Variants in DLGAP2 observed in about 807,000 individuals in gnomAD.
DLGAP2 encodes disks large-associated protein 2.
In DLGAP2, 26 loss-of-function variants were observed where a neutral mutation model predicts 100.3. The observed-to-expected ratio is 0.26, with a 90% confidence interval of 0.19 to 0.36. DLGAP2 has a LOEUF of 0.36. DLGAP2 is among the 10% of genes least tolerant of loss of function. The pLI, the probability that DLGAP2 is intolerant of heterozygous loss-of-function variation, is 1.00. For missense variants in DLGAP2, 1,858 were observed against 1,453.2 expected (o/e 1.28, Z -4.53); for synonymous variants, 886 against 630.1 (o/e 1.41, Z -6.08).
At chr8:1,273,448 G>A (rs1204982929) in intron 3 of DLGAP2, among the ~76,000 whole-genome samples, 1 of 152,142 alleles carries the variant, frequency 6.6e-6, no homozygotes, top group African/African-American at 2.4e-5. Context: ...GTGCCTTTAT[G>A]CCCCACCTTA....
chr8:1,056,573 A>C (rs1802889252), intron 2 of DLGAP2, among the ~76,000 whole-genome samples: 2 of 152,242 alleles, frequency 1.3e-5, no homozygotes, highest in South Asian at 4.1e-4. Flanking sequence ...ATGACTTCCA[A>C]AATGTGTGTA....
intron 3 of DLGAP2, among the ~76,000 whole-genome samples, chr8:1,272,740 G>A (rs1464269950): frequency 6.6e-6 from 1 of 152,082 alleles, no homozygotes; most frequent in Non-Finnish European, 1.5e-5. Flanking sequence ...GGGTCTGTAG[G>A]ACTCGGACCA....
intron 1 of DLGAP2, among the ~76,000 whole-genome samples, chr8:892,550 C>T (rs1026965650): frequency 8.6e-5 from 13 of 151,822 alleles, no homozygotes; most frequent in Admixed American, 6.6e-5. Flanking sequence ...GGGGAGGGGG[C>T]GTGGGAGGAC....
intron 5 of DLGAP2, among the ~76,000 whole-genome samples, chr8:1,558,948 G>A (rs552168688): frequency 2.0e-5 from 3 of 152,292 alleles, no homozygotes; most frequent in South Asian, 2.1e-4. Flanking sequence ...AGCAATGGAC[G>A]ATAATGTTTT....
At chr8:1,039,290 GGCTCGGTTTCCATGGTCA>G (rs1802228399) in intron 2 of DLGAP2, among the ~76,000 whole-genome samples, 4 of 137,374 alleles carry the variant, frequency 2.9e-5, no homozygotes, top group Admixed American at 1.5e-4. Flanking sequence ...TTCCATGGTC[GGCTCGGTTTCCATGGTCA>G]GCTCGGTGTG....
At chr8:1,236,316 CCGTGTCTGGTTCTCT>C (rs1264142593) in intron 2 of DLGAP2, among the ~76,000 whole-genome samples, 18 of 53,788 alleles carry the variant, frequency 3.3e-4, no homozygotes, top group African/African-American at 1.3e-3. Flanking sequence ...TCACATGGCG[CCGTGTCTGGTTCTCT>C]CACATGGCGC....
chr8:948,823 C>G (rs1799400011), intron 2 of DLGAP2, among the ~76,000 whole-genome samples: 1 of 152,260 alleles, frequency 6.6e-6, no homozygotes, highest in South Asian at 2.1e-4. Context: ...GCAAACACCT[C>G]ATGCTTTGGA....
chr8:1,175,492 C>G (rs1797233515), intron 2 of DLGAP2, among the ~76,000 whole-genome samples: 1 of 152,232 alleles, frequency 6.6e-6, no homozygotes, highest in South Asian at 2.1e-4. Flanking sequence ...TGTACTTGGG[C>G]TAATAAAAGT....
At chr8:1,322,264 C>A (rs1441088185) in intron 3 of DLGAP2, among the ~76,000 whole-genome samples, 1 of 152,156 alleles carries the variant, frequency 6.6e-6, no homozygotes, top group Non-Finnish European at 1.5e-5. Flanking sequence ...TCCAAAAATA[C>A]AATTTTAGTT....
intron 3 of DLGAP2, among the ~76,000 whole-genome samples, chr8:1,491,782 C>A (rs2130285620): frequency 6.6e-6 from 1 of 152,342 alleles, no homozygotes. Context: ...TCTACTTCAG[C>A]ACTTTTTAAT....
At chr8:753,023 C>A (rs559650081) in intron 1 of DLGAP2, among the ~76,000 whole-genome samples, 2 of 152,326 alleles carry the variant, frequency 1.3e-5, no homozygotes, top group African/African-American at 4.8e-5. Flanking sequence ...CTTAAGGGAA[C>A]AGATTACAGC....
chr8:1,087,427 C>T (rs977604051), intron 2 of DLGAP2, among the ~76,000 whole-genome samples: 3 of 152,216 alleles, frequency 2.0e-5, no homozygotes, highest in African/African-American at 7.2e-5. Flanking sequence ...CAGCTCCTTT[C>T]TCAAGGCTGT....
At chr8:897,670 G>A (rs2128996777) in intron 1 of DLGAP2, among the ~76,000 whole-genome samples, 1 of 152,218 alleles carries the variant, frequency 6.6e-6, no homozygotes, top group African/African-American at 2.4e-5. Context: ...CCCTGCCCCG[G>A]CAGCCGCTCT....
chr8:1,312,364 C>A (rs1408781654), intron 3 of DLGAP2, among the ~76,000 whole-genome samples: 2 of 152,198 alleles, frequency 1.3e-5, no homozygotes, highest in African/African-American at 4.8e-5. Flanking sequence ...AAAACTTCTG[C>A]TTTCTGAAAG....
intron 2 of DLGAP2, among the ~76,000 whole-genome samples, chr8:1,131,370 G>C (rs1034722759): frequency 6.6e-6 from 1 of 152,154 alleles, no homozygotes; most frequent in Non-Finnish European, 1.5e-5. Flanking sequence ...CCGGCAGGTG[G>C]GGTTCCTGGT....
intron 2 of DLGAP2, among the ~76,000 whole-genome samples, chr8:1,209,925 G>T (rs116628091): frequency 1.3e-5 from 2 of 152,098 alleles, no homozygotes; most frequent in African/African-American, 4.8e-5. Flanking sequence ...TGTCATCAGC[G>T]GTGCTTGACC....
intron 6 of DLGAP2, among the ~76,000 whole-genome samples, chr8:1,592,442 G>A (rs1294892769): frequency 2.0e-5 from 3 of 151,916 alleles, no homozygotes; most frequent in Admixed American, 2.0e-4. Context: ...TGCTTGGAAA[G>A]GGCTCCCTGA....
At chr8:834,006 C>G (rs538729713) in intron 1 of DLGAP2, among the ~76,000 whole-genome samples, 13 of 152,304 alleles carry the variant, frequency 8.5e-5, no homozygotes, top group Middle Eastern at 3.4e-3. Flanking sequence ...TTGTGTGGGA[C>G]ACAAAGAGGC....
chr8:1,658,434 C>T (rs1041795121), intron 8 of DLGAP2, among the ~76,000 whole-genome samples: 10 of 152,086 alleles, frequency 6.6e-5, no homozygotes, highest in Non-Finnish European at 1.0e-4. Context: ...ATGTGCAGAA[C>T]GTGCAGTTTT....
Sources: gnomAD v4.1 joint callset for allele counts (sites outside exome capture counted in the v4.1 genomes callset) on GRCh38, gnomAD v4.1.1 for gene constraint, MANE v1.5 for transcripts, NCBI Gene and HGNC (gene_info 2026-07-23, HGNC 2026-07-21) for gene names.